The following IDNK variants were observed in gnomAD, a reference collection of about 807,000 sequenced individuals.
IDNK encodes IDNK gluconokinase.
Under a neutral mutation model 13.0 loss-of-function variants are expected in IDNK, and 9 were observed. The observed-to-expected ratio is 0.69, with a 90% CI of 0.42 to 1.21. The LOEUF (loss-of-function observed/expected upper bound fraction) is 1.21, where lower values mean the gene tolerates loss of function less well. Ranked by LOEUF, IDNK falls within the 50% of genes most tolerant of loss-of-function variation. The pLI is 0.00. For synonymous variants in IDNK, 92 were observed against 94.9 expected, an observed-to-expected ratio of 0.97 and a Z score of 0.18; for missense variants, 210 against 237.8, an observed-to-expected ratio of 0.88 and a Z score of 0.77.
intron 3 of IDNK, among the ~76,000 whole-genome samples, chr9:83,634,265 G>A (rs752873782): frequency 1.3e-5 from 2 of 152,118 alleles, no homozygotes; most frequent in Non-Finnish European, 2.9e-5. Context: ...ACTGGTGCAT[G>A]GTCATTAATC....
chr9:83,636,174 G>A (rs1344649490), intron 3 of IDNK, among the ~76,000 whole-genome samples: 1 of 152,174 alleles, frequency 6.6e-6, no homozygotes, highest in South Asian at 2.1e-4. Flanking sequence ...AGTTCAAATG[G>A]TACCTTAGGA....
intron 3 of IDNK, among the ~76,000 whole-genome samples, chr9:83,636,900 G>T (rs970973278): frequency 6.6e-6 from 1 of 152,200 alleles, no homozygotes; most frequent in African/African-American, 2.4e-5. Flanking sequence ...TATAAAAATT[G>T]ACCATGTGGT....
chr9:83,629,175 C>A (rs1018997854), intron 3 of IDNK, among the ~76,000 whole-genome samples: 2 of 152,188 alleles, frequency 1.3e-5, no homozygotes, highest in Non-Finnish European at 2.9e-5. Context: ...TCTGCCCCAG[C>A]CTGAACAGGC....
At chr9:83,628,122 G>C in intron 1 of IDNK, 59 bp from the exon 2 acceptor site, 2 of 1,549,418 alleles carry the variant, frequency 1.3e-6, no homozygotes, top group South Asian at 2.4e-5. Context: ...TCCTTGCACA[G>C]AAGGAAGCTC....
At chr9:83,630,127 G>C (rs957797334) in intron 3 of IDNK, among the ~76,000 whole-genome samples, 8 of 152,188 alleles carry the variant, frequency 5.3e-5, no homozygotes, top group African/African-American at 1.9e-4. Flanking sequence ...CTAGCTCACT[G>C]TCTTTTTCTT....
At chr9:83,631,451 G>GAAGAAAAA (rs1831010957) in intron 3 of IDNK, among the ~76,000 whole-genome samples, 1 of 56,946 alleles carries the variant, frequency 1.8e-5, no homozygotes, top group East Asian at 6.0e-4. Context: ...TACAAAAACT[G>GAAGAAAAA]AAAAAAAAAA....
At chr9:83,627,334 T>C (rs1649240842) in intron 1 of IDNK, among the ~76,000 whole-genome samples, 2 of 152,280 alleles carry the variant, frequency 1.3e-5, no homozygotes, top group South Asian at 4.2e-4. Flanking sequence ...CTAGACTGTT[T>C]AGGAAGGCTG....
intron 1 of IDNK, chr9:83,627,887 CA>C (rs1275701855): frequency 1.1e-5 from 3 of 273,020 alleles, no homozygotes; most frequent in African/African-American, 2.4e-5. Flanking sequence ...AATTACACAA[CA>C]GGGACCAAAA....
In IDNK at chr9:83,643,562, G is replaced by A. The variant is rs1418234161; in HGVS notation, c.346G>A (p.Glu116Lys). ...GTCGGGAAAGGAAGCAAAGCAGGCT[G>A]AGATGCAGCTCCTGGTGGTCCATCT... The part of the protein sequence containing the change: ...EESGKEAKQA[E>K]MQLLVVHLSG... The change falls in exon 5 of 5, where the codon GAG becomes AAG. Residue 116 changes from glutamate to lysine, a missense_variant. Transcript: ENST00000376419. The A allele has an allele frequency of 7.4e-6, 12 of 1,613,940 alleles. No homozygotes were observed. Among genetic ancestry groups the A allele is most frequent in the Non-Finnish European group, 1.0e-5 (12 of 1,180,010 alleles).
chr9:83,639,374 A>T (rs968116584), intron 3 of IDNK, among the ~76,000 whole-genome samples: 1 of 152,218 alleles, frequency 6.6e-6, no homozygotes, highest in Non-Finnish European at 1.5e-5. Flanking sequence ...GTAACGAGCT[A>T]GTTGCTCAGT....
intron 1 of IDNK, among the ~76,000 whole-genome samples, chr9:83,624,865 C>G (rs755124134): frequency 2.6e-5 from 4 of 152,142 alleles, no homozygotes; most frequent in Admixed American, 6.5e-5. Context: ...AGGCGCCCAC[C>G]ACCATGCACA....
chr9:83,633,078 G>A (rs1051587154), intron 3 of IDNK, among the ~76,000 whole-genome samples: 2 of 151,548 alleles, frequency 1.3e-5, no homozygotes, highest in African/African-American at 2.4e-5. Context: ...AGTGGCTCAC[G>A]CCTGTAATCC....
chr9:83,641,451 C>G, intron 3 of IDNK, 97 bp from the exon 4 acceptor site: 1 of 1,404,940 alleles, frequency 7.1e-7, no homozygotes, highest in Non-Finnish European at 1.0e-6. Flanking sequence ...CTCGCTGGAC[C>G]TTAACATTTG....
chr9:83,640,130 C>A (rs964462845), intron 3 of IDNK, among the ~76,000 whole-genome samples: 1 of 152,116 alleles, frequency 6.6e-6, no homozygotes, highest in Non-Finnish European at 1.5e-5. Context: ...GAATAGAAAA[C>A]CTGAATACAA....
chr9:83,626,159 G>A (rs1830842883), intron 1 of IDNK, among the ~76,000 whole-genome samples: 1 of 152,144 alleles, frequency 6.6e-6, no homozygotes, highest in Admixed American at 6.5e-5. Context: ...CCAACCCACT[G>A]GGAGACATAT....
chr9:83,633,444 ATAGAT>A (rs1164756189), intron 3 of IDNK, among the ~76,000 whole-genome samples: 1 of 152,200 alleles, frequency 6.6e-6, no homozygotes, highest in Admixed American at 6.5e-5. Context: ...AGGTGACTTA[ATAGAT>A]TACTCATTTG....
chr9:83,643,627 AAG>A lies in IDNK; in HGVS notation c.416_417del (p.Glu139GlyfsTer7), dbSNP rs1484042069. 5 of 1,614,034 alleles carry A rather than the reference AAG, an allele frequency of 3.1e-6. No individual in the cohort carries two copies. Among genetic ancestry groups the A allele is most frequent in the East Asian group, 2.2e-5 (1 of 44,880 alleles). On this transcript the variant is annotated frameshift_variant, in exon 5 of 5. Transcript: ENST00000376419. LOFTEE classifies it high-confidence loss of function. Reference sequence around the variant, plus strand: ...AGGTCATCTCTGGACGCTTACTCAAAAGAGAGGGACATTTTATGCCCCCTGAA... The same window carrying A: ...AGGTCATCTCTGGACGCTTACTCAAAAGAGGGACATTTTATGCCCCCTGAA... ...FEVISGRLLK[R>X]EGHFMPPELL...
chr9:83,638,978 A>C (rs570157001), intron 3 of IDNK, among the ~76,000 whole-genome samples: 26 of 152,340 alleles, frequency 1.7e-4, no homozygotes, highest in African/African-American at 5.8e-4. Context: ...TGACATAGGC[A>C]TTAATGAAAA....
chr9:83,629,716 C>T (rs1001060517), intron 3 of IDNK, among the ~76,000 whole-genome samples: 4 of 152,216 alleles, frequency 2.6e-5, no homozygotes, highest in Non-Finnish European at 5.9e-5. Flanking sequence ...TGTGGCAGCT[C>T]AACAACTGAT....
Sources: allele counts gnomAD v4.1 joint callset (sites outside exome capture counted in the v4.1 genomes callset), GRCh38; gene constraint gnomAD v4.1.1; transcripts MANE v1.5; gene names NCBI Gene and HGNC (gene_info 2026-07-23, HGNC 2026-07-21).